The following DAB1 variants were observed in gnomAD, a reference collection of about 807,000 sequenced individuals.
The protein encoded by DAB1 is disabled homolog 1.
DAB1 carries 15 observed loss-of-function variants against 64.6 expected under a neutral mutation model. That is an observed-to-expected ratio of 0.23 (90% CI 0.16 to 0.36). The LOEUF (loss-of-function observed/expected upper bound fraction) is 0.36. Among genes scored for constraint, DAB1 ranks in the 10% least tolerant of loss-of-function variants. The pLI, the probability that DAB1 is intolerant of heterozygous loss-of-function variation, is 1.00. For synonymous variants in DAB1, 235 were observed against 251.9 expected, an observed-to-expected ratio of 0.93 and a Z score of 0.64; for missense variants, 596 against 706.7, an observed-to-expected ratio of 0.84 and a Z score of 1.78.
At chr1:58,527,147 G>A in intron 2 of DAB1, 1 of 702,432 alleles carries the variant, frequency 1.4e-6, no homozygotes, top group Non-Finnish European at 2.6e-6. Context: ...TACATAAAGG[G>A]CTAATACAGT....
intron 4 of DAB1, among the ~76,000 whole-genome samples, chr1:58,268,251 A>G (rs1211952545): frequency 6.6e-6 from 1 of 152,234 alleles, no homozygotes; most frequent in African/African-American, 2.4e-5. Flanking sequence ...TACACAATAA[A>G]GTAAAAAAAT....
chr1:57,134,347 G>T (rs1182261267), intron 4 of DAB1, among the ~76,000 whole-genome samples: 2 of 151,978 alleles, frequency 1.3e-5, no homozygotes, highest in Admixed American at 1.3e-4. Context: ...CACTTTTGGA[G>T]GCCAAGGTGG....
chr1:57,060,413 G>A (rs1049839978), intron 9 of DAB1, among the ~76,000 whole-genome samples: 5 of 152,216 alleles, frequency 3.3e-5, no homozygotes, highest in Admixed American at 3.3e-4. Context: ...GCCTCCCAAA[G>A]TACTGGAATT....
At chr1:58,262,130 G>A (rs1479863810) in intron 4 of DAB1, among the ~76,000 whole-genome samples, 1 of 152,162 alleles carries the variant, frequency 6.6e-6, no homozygotes, top group African/African-American at 2.4e-5. Context: ...AATAGATAAA[G>A]TGAGATAGAA....
chr1:57,331,856 A>C (rs1303820255), intron 1 of DAB1, among the ~76,000 whole-genome samples: 1 of 152,216 alleles, frequency 6.6e-6, no homozygotes, highest in Non-Finnish European at 1.5e-5. Context: ...AACACTACAC[A>C]TTAAAGACGA....
chr1:58,452,585 G>A lies in DAB1; in HGVS notation n.257+53475C>T, dbSNP rs529708361. 2.5e-3 allele frequency among the ~76,000 whole-genome samples: 370 copies of A among 151,002 alleles called. 2 individuals carry two copies. Among genetic ancestry groups the A allele is most frequent in the African/African-American group, 7.8e-3 (319 of 40,994 alleles). ...AGCACTTTGGGAGGCCAAGGCAGGC[G>A]GATCACCTGAGGTCAGGAGTTCAAG... On this transcript the variant is annotated intron_variant and non_coding_transcript_variant, in intron 3 of 20. Coordinates refer to the DAB1 transcript ENST00000485760.
chr1:58,342,956 C>T (rs1643956304), intron 4 of DAB1, among the ~76,000 whole-genome samples: 1 of 152,136 alleles, frequency 6.6e-6, no homozygotes, highest in South Asian at 2.1e-4. Flanking sequence ...CTGGTCAGGT[C>T]CCTCCCTGCA....
intron 1 of DAB1, among the ~76,000 whole-genome samples, chr1:57,305,117 G>C (rs192526347): frequency 6.6e-6 from 1 of 152,152 alleles, no homozygotes; most frequent in Non-Finnish European, 1.5e-5. Flanking sequence ...ATATTTACAC[G>C]TGAGTGGGCT....
chr1:58,347,008 C>A (rs1275447164), intron 3 of DAB1, among the ~76,000 whole-genome samples: 2 of 152,202 alleles, frequency 1.3e-5, no homozygotes, highest in Non-Finnish European at 2.9e-5. Flanking sequence ...TATCATATGA[C>A]TCATTGGGTT....
chr1:58,476,297 C>T (rs182675559), intron 3 of DAB1, among the ~76,000 whole-genome samples: 59 of 152,150 alleles, frequency 3.9e-4, no homozygotes, highest in African/African-American at 1.4e-3. Context: ...CCTGCTTGGT[C>T]TTTGATGATA....
intron 7 of DAB1, among the ~76,000 whole-genome samples, chr1:57,522,299 C>G (rs1381183596): frequency 6.6e-6 from 1 of 152,146 alleles, no homozygotes; most frequent in Non-Finnish European, 1.5e-5. Context: ...ACTCTCTCAC[C>G]CTTTAGGAGA....
intron 1 of DAB1, among the ~76,000 whole-genome samples, chr1:57,347,785 A>AT (rs368161363): frequency 7.3e-5 from 11 of 150,490 alleles, no homozygotes; most frequent in East Asian, 3.9e-4. Context: ...GTATTTCAAG[A>AT]TTTTTTTTTT....
chr1:57,554,153 C>T (rs927248606), intron 7 of DAB1, among the ~76,000 whole-genome samples: 3 of 152,180 alleles, frequency 2.0e-5, no homozygotes, highest in African/African-American at 4.8e-5. Flanking sequence ...GGATAGAGAG[C>T]AGGAAGGCCT....
At chr1:57,335,156 T>A (rs1285791273) in intron 1 of DAB1, among the ~76,000 whole-genome samples, 1 of 152,182 alleles carries the variant, frequency 6.6e-6, no homozygotes, top group Non-Finnish European at 1.5e-5. Flanking sequence ...GTTTCCTGGC[T>A]TTCTTCTGGA....
rs1646827272 is a variant in DAB1 at position 57,695,388 on chromosome 1, GAAAGAAAGAAAGAAAGA to G, written n.552-45740_552-45724del. Among the ~76,000 whole-genome samples the G allele has an allele frequency of 5.2e-4, 41 of 78,604 alleles. 1 individual carries two copies. Among genetic ancestry groups the G allele is most frequent in the Non-Finnish European group, 7.2e-4 (27 of 37,280 alleles). The allele number at this position is 78,604 out of a possible 152,430, so 51.6% of individuals were successfully genotyped here. The stretch of plus-strand genomic sequence containing the variant: ...AGAAAGAAAGAAAGAAAGAAAGAAA[GAAAGAAAGAAAGAAAGA>G]AAGAAAGAAAGAAAGAAAGAAAGAA... On this transcript the variant is annotated intron_variant and non_coding_transcript_variant, in intron 6 of 20. Coordinates refer to the DAB1 transcript ENST00000485760.
chr1:57,243,065 G>A (rs1668609282), intron 2 of DAB1, among the ~76,000 whole-genome samples: 1 of 152,166 alleles, frequency 6.6e-6, no homozygotes, highest in Admixed American at 6.6e-5. Flanking sequence ...TCCTAAAGCG[G>A]ATACTCTGAG....
intron 1 of DAB1, among the ~76,000 whole-genome samples, chr1:57,383,835 A>G (rs917274301): frequency 2.0e-5 from 3 of 152,184 alleles, no homozygotes; most frequent in African/African-American, 7.2e-5. Flanking sequence ...AAGTTTCACA[A>G]TACTGAATTT....
At chr1:57,352,213 C>T (rs947383070) in intron 1 of DAB1, among the ~76,000 whole-genome samples, 1 of 152,060 alleles carries the variant, frequency 6.6e-6, no homozygotes, top group Non-Finnish European at 1.5e-5. Flanking sequence ...CACTATATGA[C>T]TTGGAGTACA....
At chr1:57,292,115 G>T (rs368942353) in intron 1 of DAB1, among the ~76,000 whole-genome samples, 3 of 152,076 alleles carry the variant, frequency 2.0e-5, no homozygotes, top group Admixed American at 6.6e-5. Flanking sequence ...ATGGATCTTC[G>T]AATTGTGCAG....
Sources: allele counts gnomAD v4.1 joint callset (sites outside exome capture counted in the v4.1 genomes callset), GRCh38; gene constraint gnomAD v4.1.1; transcripts MANE v1.5; gene names NCBI Gene and HGNC (gene_info 2026-07-23, HGNC 2026-07-21).